Variants in LARP1 observed in about 807,000 individuals in gnomAD.
LARP1 encodes the protein La ribonucleoprotein 1, translational regulator, also known as la-related protein 1.
In LARP1, 36 loss-of-function variants were observed where a neutral mutation model predicts 122.7. That is an observed-to-expected ratio of 0.29 (90% CI 0.22 to 0.39). The LOEUF (loss-of-function observed/expected upper bound fraction) is 0.39. Among genes scored for constraint, LARP1 ranks in the 10% least tolerant of loss-of-function variants. LARP1 has a pLI of 1.00. For missense variants in LARP1, 1,040 were observed against 1,403.6 expected, an observed-to-expected ratio of 0.74 and a Z score of 4.14; for synonymous variants, 539 against 528.7, an observed-to-expected ratio of 1.02 and a Z score of -0.27.
At chr5:154,726,129 C>A (rs559617343) in intron 1 of LARP1, among the ~76,000 whole-genome samples, 1 of 152,060 alleles carries the variant, frequency 6.6e-6, no homozygotes, top group Non-Finnish European at 1.5e-5. Context: ...TGTGAGCCAC[C>A]GCACCTGGCC....
rs917888032 is a variant in LARP1 at position 154,701,074 on chromosome 5, G to A, written c.-180+18037G>A. On this transcript the variant is annotated intron_variant, in intron 1 of 18. Coordinates refer to the LARP1 transcript ENST00000687700. Reference sequence around the variant, plus strand: ...TTCTTCCTCCTCAATCTCCCAAAGTGTTGGGATTACAGTTGTGAGCCACTG... The same window carrying A: ...TTCTTCCTCCTCAATCTCCCAAAGTATTGGGATTACAGTTGTGAGCCACTG... Among the ~76,000 whole-genome samples, 16 of 152,212 alleles carry A rather than the reference G, an allele frequency of 1.1e-4. 1 individual carries two copies. The highest frequency in any genetic ancestry group is 4.4e-5 in the Non-Finnish European group (3 of 68,038).
At chr5:154,710,657 C>T (rs1314321293), upstream of LARP1, among the ~76,000 whole-genome samples, 1 of 148,436 alleles carries the variant, frequency 6.7e-6, no homozygotes, top group South Asian at 2.1e-4. Flanking sequence ...GCAGGAGAAT[C>T]GCTTGAACTC....
At chr5:154,756,574 C>A (rs2113551290) in intron 1 of LARP1, 1 of 877,990 alleles carries the variant, frequency 1.1e-6, no homozygotes, top group South Asian at 5.1e-5. Context: ...CTCTTCCCAC[C>A]CCGCCCGGCG....
At chr5:154,776,574 G>A (rs1755904003) in intron 1 of LARP1, among the ~76,000 whole-genome samples, 1 of 152,220 alleles carries the variant, frequency 6.6e-6, no homozygotes, top group Non-Finnish European at 1.5e-5. Flanking sequence ...TCACTCATTG[G>A]CAGCTCAGTT....
At chr5:154,796,081 A>G (rs1309113847) in intron 8 of LARP1, among the ~76,000 whole-genome samples, 1 of 117,254 alleles carries the variant, frequency 8.5e-6, no homozygotes, top group African/African-American at 3.4e-5. Context: ...TAGTATATAT[A>G]TTATATATAT....
At chr5:154,713,242 AC>A (rs1165210701) in intron 1 of LARP1, 8 of 828,288 alleles carry the variant, frequency 9.7e-6, no homozygotes, top group Non-Finnish European at 1.5e-5. Context: ...CTGCTGTGTG[AC>A]CCTGAGCGAG....
intron 1 of LARP1, among the ~76,000 whole-genome samples, chr5:154,700,956 A>C (rs1464568289): frequency 6.6e-6 from 1 of 151,078 alleles, no homozygotes; most frequent in African/African-American, 2.4e-5. Context: ...TCAGAGAGAG[A>C]CTCCATCTCA....
intron 3 of LARP1, chr5:154,791,802 C>T (rs190035446): frequency 5.0e-5 from 16 of 320,832 alleles, no homozygotes; most frequent in South Asian, 2.5e-4. Flanking sequence ...GTTCTGCATT[C>T]GGTTTTTTAA....
chr5:154,770,492 C>T (rs79938716), intron 1 of LARP1, among the ~76,000 whole-genome samples: 7,254 of 152,118 alleles, frequency 0.048, 225 homozygotes, highest in Middle Eastern at 0.075. Context: ...GGCTCCCTCC[C>T]TGCCCATCCC....
Position 154,815,765 on chromosome 5 carries a change from G to C in LARP1, c.*1669G>C, listed in dbSNP as rs1222624739. On this transcript the variant is annotated 3_prime_UTR_variant, in exon 19 of 19. Coordinates refer to ENST00000518297, the MANE Select transcript of LARP1 (RefSeq NM_033551.3). ...GATTCTCTTTCTTCAGCCACTGACTGCTTGGGTTGGGCTGTGAATGATAAT... is the reference window on the plus strand; with the variant it reads ...GATTCTCTTTCTTCAGCCACTGACTCCTTGGGTTGGGCTGTGAATGATAAT... 6.6e-6 allele frequency: 1 copy of C among 152,418 alleles called. No individual in the cohort carries two copies. The highest frequency in any genetic ancestry group is 1.5e-5 in the Non-Finnish European group (1 of 68,168). 9.4% of individuals were successfully genotyped at this position (152,418 alleles called of 1,614,324 possible).
intron 1 of LARP1, chr5:154,729,321 CA>C (rs1192125088): frequency 5.0e-6 from 1 of 200,040 alleles, no homozygotes; most frequent in African/African-American, 2.4e-5. Flanking sequence ...CACATACATG[CA>C]AAGCTGTAAG....
In LARP1 at chr5:154,803,304, C is replaced by A. The variant is rs1758493050; in HGVS notation, c.2124C>A (p.Asn708Lys). The A allele has an allele frequency of 2.5e-6, 4 of 1,614,044 alleles. No homozygotes were observed. Among genetic ancestry groups the A allele is most frequent in the Admixed American group, 1.7e-5 (1 of 59,998 alleles). ...EYSQIKQEVE[N>K]FKKVNMISRE... ...GACCTCTGCAGCAAGAAGTCGAGAACTTCAAAAAGGTCAATATGATCAGCC... is the reference window on the plus strand; with the variant it reads ...GACCTCTGCAGCAAGAAGTCGAGAAATTCAAAAAGGTCAATATGATCAGCC... The change falls in exon 12 of 19, where the codon AAC (asparagine) becomes AAA (lysine). Residue 708 changes from asparagine (N) to lysine (K), a missense_variant. Transcript: ENST00000518297. This position sits in a 1 kb window ranked among gnomAD's most constrained non-coding sequence, Gnocchi z 4.4.
At chr5:154,789,976 A>G (rs1757211113) in intron 1 of LARP1, among the ~76,000 whole-genome samples, 1 of 152,206 alleles carries the variant, frequency 6.6e-6, no homozygotes, top group East Asian at 1.9e-4. Flanking sequence ...GCCCTGAGCT[A>G]TAGTCCTGAC....
At chr5:154,770,900 G>A (rs1755355600) in intron 1 of LARP1, among the ~76,000 whole-genome samples, 1 of 152,096 alleles carries the variant, frequency 6.6e-6, no homozygotes, top group Admixed American at 6.6e-5. Context: ...ATCACCTGAG[G>A]TGAGGAGTTC....
exon 1 of LARP1, chr5:154,713,032 A>G (rs1468545110): frequency 2.5e-6 from 4 of 1,614,186 alleles, no homozygotes; most frequent in Non-Finnish European, 3.4e-6. Context: ...CCAGGGAGGA[A>G]AAACAGCGTG....
intron 1 of LARP1, among the ~76,000 whole-genome samples, chr5:154,767,751 C>T (rs995724537): frequency 1.3e-5 from 2 of 152,218 alleles, no homozygotes; most frequent in East Asian, 1.9e-4. Context: ...TCCTGTTCTG[C>T]GTGTGTATTA....
intron 15 of LARP1, among the ~76,000 whole-genome samples, chr5:154,808,205 A>G (rs1267147829): frequency 2.0e-5 from 3 of 152,204 alleles, no homozygotes; most frequent in East Asian, 1.9e-4. Context: ...GTGAAGAGCT[A>G]GACTGCCAGC....
intron 3 of LARP1, chr5:154,791,895 AACCCTC>A (rs1757381901): frequency 2.2e-6 from 1 of 452,352 alleles, no homozygotes; most frequent in Admixed American, 2.4e-5. Context: ...CATCTCATCT[AACCCTC>A]ACAGTGACTC....
In LARP1 at chr5:154,793,832, C is replaced by G; in HGVS notation, c.901C>G (p.Pro301Ala). ...SESATYVPVA[P>A]PTPAWQPEIK... ...GTCTGCCACCTACGTGCCCGTGGCCCCCCCCACCCCAGCCTGGCAACCAGA... is the reference window on the plus strand; with the variant it reads ...GTCTGCCACCTACGTGCCCGTGGCCGCCCCCACCCCAGCCTGGCAACCAGA... Residue 301 changes from proline (P) to alanine (A), a missense_variant, in exon 6 of 19, where the codon CCC becomes GCC. By Grantham distance (27) the Pro-to-Ala change is conservative. This residue lies in a region of LARP1 where 178 missense variants were observed against 178.3 expected (regional missense o/e 1.00). Transcript: ENST00000518297. The G allele has an allele frequency of 6.2e-7, 1 of 1,614,178 alleles. No homozygotes were observed. Among genetic ancestry groups the G allele is most frequent in the Non-Finnish European group, 8.5e-7 (1 of 1,180,018 alleles).
Sources: allele counts gnomAD v4.1 joint callset (sites outside exome capture counted in the v4.1 genomes callset), GRCh38; gene constraint gnomAD v4.1.1; regional missense constraint gnomAD v4.1.1; non-coding constraint Gnocchi (gnomAD v3.1); transcripts MANE v1.5; gene names NCBI Gene and HGNC (gene_info 2026-07-23, HGNC 2026-07-21).